Variants in HSF2BP observed in about 807,000 individuals in gnomAD.
HSF2BP encodes heat shock factor 2-binding protein.
A neutral mutation model predicts 35.0 loss-of-function variants in HSF2BP; 35 were observed. The observed-to-expected ratio is 1.00, with a 90% CI of 0.76 to 1.32. HSF2BP has a LOEUF of 1.32. HSF2BP is among the 40% of genes most tolerant of loss of function. The probability of loss-of-function intolerance (pLI) is 0.00; values close to 1 mark genes in which losing one functional copy is unlikely to be tolerated. For synonymous variants in HSF2BP, 114 were observed against 117.4 expected (o/e 0.97, Z 0.18); for missense variants, 326 against 321.7 (o/e 1.01, Z -0.10).
At chr21:43,635,089 C>A (rs929089379) in intron 4 of HSF2BP, among the ~76,000 whole-genome samples, 37 of 149,004 alleles carry the variant, frequency 2.5e-4, no homozygotes, top group African/African-American at 6.3e-4. Context: ...AAAAAAAAAA[C>A]AAACAAACCT....
chr21:43,647,766 T>C (rs2147097433), intron 3 of HSF2BP, among the ~76,000 whole-genome samples: 1 of 151,772 alleles, frequency 6.6e-6, no homozygotes, highest in South Asian at 2.1e-4. Context: ...CCATCTCTAC[T>C]AAAAATACAA....
intron 8 of HSF2BP, among the ~76,000 whole-genome samples, chr21:43,582,289 G>A (rs1310091644): frequency 3.6e-5 from 5 of 140,164 alleles, no homozygotes; most frequent in South Asian, 2.3e-4. Context: ...GGCCTGCTGA[G>A]GGGGATGAAG....
At chr21:43,605,017 ACACAT>A (rs748571604) in intron 7 of HSF2BP, among the ~76,000 whole-genome samples, 21 of 138,014 alleles carry the variant, frequency 1.5e-4, no homozygotes, top group Admixed American at 1.1e-3. Context: ...GACACCACAC[ACACAT>A]CACACACACC....
chr21:43,635,632 T>C lies in HSF2BP; in HGVS notation c.292-2211A>G, dbSNP rs370059686. Reference sequence around the variant, plus strand: ...AAAAAAAATAATTCAAAATGAATCATAGGGCCGGGTGCGGTGGCTCACACC... The same window carrying C: ...AAAAAAAATAATTCAAAATGAATCACAGGGCCGGGTGCGGTGGCTCACACC... On this transcript the variant is annotated intron_variant, in intron 4 of 8. Coordinates refer to ENST00000291560, the MANE Select transcript of HSF2BP (RefSeq NM_007031.2). Among the ~76,000 whole-genome samples the C allele has an allele frequency of 2.2e-3, 342 of 152,034 alleles. 16 individuals carry two copies. The South Asian group carries it at 0.066, about 29-fold the overall frequency.
chr21:43,580,950 T>C (rs2081719952), intron 8 of HSF2BP, among the ~76,000 whole-genome samples: 1 of 152,206 alleles, frequency 6.6e-6, no homozygotes, highest in Admixed American at 6.5e-5. Context: ...TGTTACGTGA[T>C]ATAGCCAAAT....
At chr21:43,621,014 A>T (rs1426933525) in intron 6 of HSF2BP, among the ~76,000 whole-genome samples, 1 of 152,234 alleles carries the variant, frequency 6.6e-6, no homozygotes, top group African/African-American at 2.4e-5. Context: ...AAGCTTATTC[A>T]AAGAAATAAC....
In HSF2BP at chr21:43,656,599, T is replaced by C; in HGVS notation, c.175A>G (p.Ile59Val). Reference sequence around the variant, plus strand: ...AATGAAGACTCACTTTTTTCTACAATCTTTAATTTCTGGAAGCTCTCCAGC... The same window carrying C: ...AATGAAGACTCACTTTTTTCTACAACCTTTAATTTCTGGAAGCTCTCCAGC... ...EVLESFQKLKIVEKNLERKEQ... is the reference protein window; with the variant it reads ...EVLESFQKLKVVEKNLERKEQ... The change falls in exon 3 of 9, where the codon ATT becomes GTT. Residue 59 changes from isoleucine to valine, a missense_variant. By Grantham distance (29) the Ile-to-Val change is conservative. Coordinates refer to ENST00000291560, the MANE Select transcript of HSF2BP (RefSeq NM_007031.2). 6.2e-7 allele frequency: 1 copy of C among 1,606,408 alleles called. No homozygotes were observed. Among genetic ancestry groups the C allele is most frequent in the African/African-American group, 1.3e-5 (1 of 74,582 alleles).
intron 8 of HSF2BP, among the ~76,000 whole-genome samples, chr21:43,583,568 A>G (rs2081795311): frequency 7.2e-6 from 1 of 139,134 alleles, no homozygotes; most frequent in African/African-American, 2.8e-5. Flanking sequence ...GAGGGAGATG[A>G]AGACCTGCTG....
At chr21:43,633,904 T>TA (rs1483310023) in intron 4 of HSF2BP, among the ~76,000 whole-genome samples, 2 of 152,192 alleles carry the variant, frequency 1.3e-5, no homozygotes, top group Admixed American at 6.5e-5. Context: ...TCAGGATTTG[T>TA]AAAAAAACAA....
intron 8 of HSF2BP, among the ~76,000 whole-genome samples, chr21:43,581,373 G>A (rs1441591592): frequency 6.7e-6 from 1 of 150,060 alleles, no homozygotes; most frequent in Non-Finnish European, 1.5e-5. Context: ...GTGGCAGAGT[G>A]AGACTCTGTC....
intron 4 of HSF2BP, among the ~76,000 whole-genome samples, chr21:43,641,162 T>C (rs1568936303): frequency 6.6e-6 from 1 of 152,066 alleles, no homozygotes; most frequent in Non-Finnish European, 1.5e-5. Flanking sequence ...CTGGCTAATT[T>C]TTTGTATTTT....
intron 7 of HSF2BP, among the ~76,000 whole-genome samples, chr21:43,604,673 C>CA (rs2082104479): frequency 2.5e-5 from 3 of 117,728 alleles, no homozygotes; most frequent in African/African-American, 6.8e-5. Flanking sequence ...ACACACACCA[C>CA]CACACACCAC....
rs1568887870 is a variant in HSF2BP at position 43,584,995 on chromosome 21, A to ATTTATTTATTTAT, written c.796+7229_796+7230insATAAATAAATAAA. On this transcript the variant is annotated intron_variant, in intron 8 of 8. Transcript: ENST00000291560. ...CATGCTCTAGGTATAATTTTATTTAATTATTTATTTATTTATTTATTTATT... is the reference window on the plus strand; with the variant it reads ...CATGCTCTAGGTATAATTTTATTTAATTTATTTATTTATTTATTTATTTATTTATTTATTTATT... 4.5e-3 allele frequency among the ~76,000 whole-genome samples: 680 copies of ATTTATTTATTTAT among 151,584 alleles called. 9 individuals are homozygous for ATTTATTTATTTAT. The highest frequency in any genetic ancestry group is 0.014 in the African/African-American group (596 of 41,174).
intron 6 of HSF2BP, among the ~76,000 whole-genome samples, chr21:43,627,600 G>A (rs2082405285): frequency 6.6e-6 from 1 of 152,106 alleles, no homozygotes; most frequent in Non-Finnish European, 1.5e-5. Context: ...AGATTATCCA[G>A]GGTGCTCCCC....
chr21:43,610,648 A>C (rs2082192915), intron 7 of HSF2BP, among the ~76,000 whole-genome samples: 1 of 151,982 alleles, frequency 6.6e-6, no homozygotes, highest in African/African-American at 2.4e-5. Context: ...ATACACATAT[A>C]TTTTTTCTCT....
At chr21:43,583,693 G>A (rs1253474251) in intron 8 of HSF2BP, among the ~76,000 whole-genome samples, 1 of 137,054 alleles carries the variant, frequency 7.3e-6, no homozygotes, top group African/African-American at 2.8e-5. Flanking sequence ...AGAGATGAAG[G>A]GCCTGCTGAG....
At chr21:43,640,164 G>A (rs561844546) in intron 4 of HSF2BP, among the ~76,000 whole-genome samples, 4 of 152,268 alleles carry the variant, frequency 2.6e-5, no homozygotes, top group Non-Finnish European at 4.4e-5. Flanking sequence ...AGCTGGGCAT[G>A]GTGACATGTG....
At chr21:43,581,153 G>A (rs1020529416) in intron 8 of HSF2BP, among the ~76,000 whole-genome samples, 12 of 152,312 alleles carry the variant, frequency 7.9e-5, no homozygotes, top group African/African-American at 2.2e-4. Context: ...TTGGGAAGAC[G>A]AGGCGGGCGG....
intron 4 of HSF2BP, among the ~76,000 whole-genome samples, chr21:43,634,573 C>G (rs1329614315): frequency 6.6e-6 from 1 of 152,180 alleles, no homozygotes; most frequent in Non-Finnish European, 1.5e-5. Flanking sequence ...AAAAAGGGAG[C>G]TTTGGAGCCA....
Sources: gnomAD v4.1 joint callset for allele counts (sites outside exome capture counted in the v4.1 genomes callset) on GRCh38, gnomAD v4.1.1 for gene constraint, MANE v1.5 for transcripts, NCBI Gene and HGNC (gene_info 2026-07-23, HGNC 2026-07-21) for gene names.